The following TTN variants were observed in gnomAD, a reference collection of about 807,000 sequenced individuals.
The protein encoded by TTN is titin.
In TTN, 1,525 loss-of-function variants were observed where a neutral mutation model predicts 3,223.0. That is an observed-to-expected ratio of 0.47 (90% CI 0.45 to 0.49). TTN has a LOEUF of 0.49. Among genes scored for constraint, TTN ranks in the 20% least tolerant of loss-of-function variants. The probability of loss-of-function intolerance (pLI) is 0.00; values close to 1 mark genes in which losing one functional copy is unlikely to be tolerated. For synonymous variants in TTN, 14,094 were observed against 15,161.0 expected, an observed-to-expected ratio of 0.93 and a Z score of 5.17; for missense variants, 40,786 against 43,424.0, an observed-to-expected ratio of 0.94 and a Z score of 5.40.
At chr2:178,754,214 A>G (rs1034573460) in intron 46 of TTN, among the ~76,000 whole-genome samples, 2 of 152,082 alleles carry the variant, frequency 1.3e-5, no homozygotes, top group Middle Eastern at 3.2e-3. Context: ...TGACATTCCT[A>G]CTTGATCTTG....
At position 178,738,126 on chromosome 2, in the gene TTN, T is replaced by C. The variant is rs369669941; in HGVS notation, c.14327A>G (p.Asn4776Ser). The change falls in exon 49 of 363, where the codon AAT becomes AGT. Residue 4776 changes from asparagine to serine, a missense_variant. Asn to Ser is a conservative substitution (Grantham distance 46, BLOSUM62 1). Coordinates refer to ENST00000589042, the MANE Select transcript of TTN (RefSeq NM_001267550.2). ...DCGEYTCKAS[N>S]EYGSVSCTAT... ...TGTACAGCTGACACTGCCATACTCA[T>C]TGGAAGCTTTGCATGTATACTCGCC... 16 of 1,613,704 alleles carry C rather than the reference T, an allele frequency of 9.9e-6. No homozygotes were observed. The highest frequency in any genetic ancestry group is 2.7e-5 in the African/African-American group (2 of 74,932).
At chr2:178,665,536 T>G (rs2065779862) in intron 164 of TTN, 76 bp from the exon 165 acceptor site, 1 of 1,480,352 alleles carries the variant, frequency 6.8e-7, no homozygotes, top group Admixed American at 1.8e-5. Context: ...TGAACCAAAG[T>G]GATATTTATG....
At chr2:178,689,006 T>TA in intron 125 of TTN, 47 bp downstream of exon 125, 1 of 478,586 alleles carries the variant, frequency 2.1e-6, no homozygotes, top group Non-Finnish European at 2.9e-6. Flanking sequence ...CTCGAAGATT[T>TA]TTTTTTTTTT....
Position 178,728,663 on chromosome 2 carries a change from G to A in TTN, c.19263C>T (p.Asp6421=), listed in dbSNP as rs552531581. 6.5e-5 allele frequency: 105 copies of A among 1,613,294 alleles called. No individual in the cohort carries two copies. Among genetic ancestry groups the A allele is most frequent in the Middle Eastern group, 3.3e-4 (2 of 6,056 alleles). The change falls in exon 66 of 363, where the codon GAC becomes GAT. Residue 6421 remains aspartate, a synonymous_variant. Coordinates refer to ENST00000589042, the MANE Select transcript of TTN (RefSeq NM_001267550.2). The part of the protein sequence containing the change: ...TPELKVKWLK[D]GKQIVPSRYF... ...ATCTACTGGGAACTATTTGTTTCCC[G>A]TCTTTAAGCCATTTCACTTTGAGTT...
chr2:178,730,805 A>G lies in TTN; in HGVS notation c.17741-13T>C. The G allele has an allele frequency of 3.2e-6, 5 of 1,554,070 alleles. No homozygotes were observed. The highest frequency in any genetic ancestry group is 4.3e-6 in the Non-Finnish European group (5 of 1,153,810). ...GGTATGATAAGATCTATTCAATGAAAAAGCAAACAACAACAAAAAAAGGTC... is the reference window on the plus strand; with the variant it reads ...GGTATGATAAGATCTATTCAATGAAGAAGCAAACAACAACAAAAAAAGGTC... On this transcript the variant is annotated splice_polypyrimidine_tract_variant and intron_variant, in intron 60 of 362. Coordinates refer to ENST00000589042, the MANE Select transcript of TTN (RefSeq NM_001267550.2).
chr2:178,713,154 CACT>C lies in TTN; in HGVS notation c.26977_26979del (p.Ser8993del). On this transcript the variant is annotated inframe_deletion, in exon 93 of 363. Transcript: ENST00000589042. Reference sequence around the variant, plus strand: ...TTAGTAGCTATACATGTGTAGTCACCACTGTCTGATTCTTCCAGCATGTTCACA... The same window carrying C: ...TTAGTAGCTATACATGTGTAGTCACCGTCTGATTCTTCCAGCATGTTCACA... The C allele has an allele frequency of 6.2e-7, 1 of 1,613,706 alleles. No homozygotes were observed. The highest frequency in any genetic ancestry group is 1.1e-5 in the South Asian group (1 of 91,060).
rs199583938 is a variant in TTN at position 178,579,222 on chromosome 2, G to A, written c.67808C>T (p.Ala22603Val). 4.0e-5 allele frequency: 64 copies of A among 1,613,328 alleles called. No individual in the cohort carries two copies. The highest frequency in any genetic ancestry group is 1.9e-4 in the African/African-American group (14 of 74,866). ...GTACACTATAAGAGTTGTGTTAACCGCAGATGACTCAACACTGACTCTAGT... is the reference window on the plus strand; with the variant it reads ...GTACACTATAAGAGTTGTGTTAACCACAGATGACTCAACACTGACTCTAGT... The part of the protein sequence containing the change: ...TDTRVSVESS[A>V]VNTTLIVYDC... Residue 22603 changes from alanine to valine, a missense_variant, in exon 320 of 363, where the codon GCG becomes GTG. Physicochemically the swap from Ala to Val is moderately conservative, Grantham distance 64 (BLOSUM62 0). Transcript: ENST00000589042.
At position 178,718,710 on chromosome 2, in the gene TTN, G is replaced by C. The variant is rs367916657; in HGVS notation, c.24490C>G (p.His8164Asp). 2.5e-6 allele frequency: 4 copies of C among 1,613,506 alleles called. No individual in the cohort carries two copies. The highest frequency in any genetic ancestry group is 3.4e-6 in the Non-Finnish European group (4 of 1,179,596). The change falls in exon 84 of 363, where the codon CAT becomes GAT. Residue 8164 changes from histidine to aspartate, a missense_variant. Physicochemically the swap from His to Asp is moderately conservative, Grantham distance 81. Transcript: ENST00000589042. ...AAGAGCAAACCTTTCACAAAAAGAT[G>C]TGTGGTACAGGAAGCACTGCCAGCA... ...NDAGSASCTT[H>D]LFVKEPATFV... is the part of the protein sequence containing the mutation.
rs756415356 is a variant in TTN, at chr2:178,768,814, T to C, written c.9022A>G (p.Ile3008Val). ...ATCTGGCACTTGTCAGTTGATTTGA[T>C]TTCCACACCATTCTTTAACCATTTG... ...SYKWLKNGVE[I>V]KSTDKCQMRT... is the part of the protein sequence containing the mutation. The change falls in exon 38 of 363, where the codon ATC (isoleucine) becomes GTC (valine). Residue 3008 changes from isoleucine to valine, a missense_variant. By Grantham distance (29) the Ile-to-Val change is conservative. Coordinates refer to ENST00000589042, the MANE Select transcript of TTN (RefSeq NM_001267550.2). 6.2e-7 allele frequency: 1 copy of C among 1,614,122 alleles called. No individual in the cohort carries two copies. Among genetic ancestry groups the C allele is most frequent in the Non-Finnish European group, 8.5e-7 (1 of 1,180,008 alleles).
At position 178,730,337 on chromosome 2, in the gene TTN, T is replaced by A. The variant is rs752853744; in HGVS notation, c.18063A>T (p.Gln6021His). The part of the protein sequence containing the change: ...PPYFVEKPQS[Q>H]DVNPNTRVQL... ...GTACCCTTGTGTTGGGATTGACATCTTGTGACTGTGGCTTTTCCACAAAGT... is the reference window on the plus strand; with the variant it reads ...GTACCCTTGTGTTGGGATTGACATCATGTGACTGTGGCTTTTCCACAAAGT... Residue 6021 changes from glutamine (Q) to histidine (H), a missense_variant, in exon 62 of 363, where the codon CAA becomes CAT. Transcript: ENST00000589042. 1.9e-6 allele frequency: 3 copies of A among 1,608,528 alleles called. No individual in the cohort carries two copies. The highest frequency in any genetic ancestry group is 2.5e-6 in the Non-Finnish European group (3 of 1,176,850).
chr2:178,799,144 G>A lies in TTN; in HGVS notation c.914+343C>T, dbSNP rs551859940. 9.8e-6 allele frequency: 3 copies of A among 305,234 alleles called. No homozygotes were observed. In the East Asian group the frequency reaches 2.2e-4, roughly 22 times the overall value. 18.9% of individuals were successfully genotyped at this position (305,234 alleles called of 1,614,324 possible). On this transcript the variant is annotated intron_variant, in intron 6 of 362. Coordinates refer to ENST00000589042, the MANE Select transcript of TTN (RefSeq NM_001267550.2). ...GGAAGAGAAGTGCGTGGTCCCTAGC[G>A]AGGCCTGTGCCCATGGACCTAGGTG...
At position 178,573,810 on chromosome 2, in the gene TTN, C is replaced by G. The variant is rs1709100410; in HGVS notation, c.72322G>C (p.Gly24108Arg). The G allele has an allele frequency of 6.2e-7, 1 of 1,611,314 alleles. No homozygotes were observed. The highest frequency in any genetic ancestry group is 2.2e-5 in the East Asian group (1 of 44,714). Reference sequence around the variant, plus strand: ...TTGAAAATGTGTTTAGCAAAGCCACCAGGATTAGTCGCTGTAAGGGTATAG... The same window carrying G: ...TTGAAAATGTGTTTAGCAAAGCCACGAGGATTAGTCGCTGTAAGGGTATAG... ...GAYTLTATNP[G>R]GFAKHIFNVK... Residue 24108 changes from glycine (G) to arginine (R), a missense_variant, in exon 326 of 363, where the codon GGT becomes CGT. By Grantham distance (125) the Gly-to-Arg change is moderately radical (BLOSUM62 -2). Transcript: ENST00000589042.
rs1283827826 is a variant in TTN at position 178,599,238 on chromosome 2, C to A, written c.56555G>T (p.Gly18852Val). Residue 18852 changes from glycine to valine, a missense_variant, in exon 290 of 363, where the codon GGC (glycine) becomes GTC (valine). By Grantham distance (109) the Gly-to-Val change is moderately radical. Transcript: ENST00000589042. ...CATGATTCGGAATACATATTCATGGCCTTCTAGCAATTTGGGAATCGTGTA... is the reference window on the plus strand; with the variant it reads ...CATGATTCGGAATACATATTCATGGACTTCTAGCAATTTGGGAATCGTGTA... ...CTYTIPKLLE[G>V]HEYVFRIMAQ... 3 of 1,551,414 alleles carry A rather than the reference C, an allele frequency of 1.9e-6. No homozygotes were observed. In the South Asian group the frequency reaches 3.9e-5, roughly 20 times the overall value.
chr2:178,687,860 A>G (rs2071313666), intron 127 of TTN, among the ~76,000 whole-genome samples: 1 of 152,194 alleles, frequency 6.6e-6, no homozygotes, highest in Admixed American at 6.5e-5. Context: ...TTATATATAA[A>G]TATGAAGCCT....
At chr2:178,616,161 G>A (rs2057297101) in intron 257 of TTN, among the ~76,000 whole-genome samples, 1 of 151,830 alleles carries the variant, frequency 6.6e-6, no homozygotes, top group South Asian at 2.1e-4. Context: ...GACCACCAGG[G>A]AAATAAATAT....
chr2:178,649,806 AACATG>A lies in TTN; in HGVS notation c.39895+6_39895+10del. 6.2e-7 allele frequency: 1 copy of A among 1,609,298 alleles called. No homozygotes were observed. The highest frequency in any genetic ancestry group is 8.5e-7 in the Non-Finnish European group (1 of 1,178,378). The stretch of plus-strand genomic sequence containing the variant: ...ACCACAAAAATGAAGTATTCATTTT[AACATG>A]AGTACCTTTAGGAGGCGGTGCTTCT... On this transcript the variant is annotated splice_donor_region_variant and intron_variant, in intron 211 of 362. Coordinates refer to ENST00000589042, the MANE Select transcript of TTN (RefSeq NM_001267550.2).
chr2:178,562,370 G>A lies in TTN; in HGVS notation c.83762C>T (p.Ala27921Val). The A allele has an allele frequency of 6.2e-7, 1 of 1,610,250 alleles. No individual in the cohort carries two copies. Among genetic ancestry groups the A allele is most frequent in the Non-Finnish European group, 8.5e-7 (1 of 1,178,514 alleles). ...STCTQVKTLE[A>V]TISGLTAGEE... Reference sequence around the variant, plus strand: ...TCCTGCAGTTAAGCCAGATATAGTTGCTTCTAGAGTCTTAACTTGTGTGCA... The same window carrying A: ...TCCTGCAGTTAAGCCAGATATAGTTACTTCTAGAGTCTTAACTTGTGTGCA... The change falls in exon 326 of 363, where the codon GCA becomes GTA. Residue 27921 changes from alanine (A) to valine (V), a missense_variant. By Grantham distance (64) the Ala-to-Val change is moderately conservative. Transcript: ENST00000589042.
At chr2:178,641,191 T>A (rs1421514052) in intron 220 of TTN, 50 bp downstream of exon 220, 3 of 1,225,566 alleles carry the variant, frequency 2.4e-6, no homozygotes, top group Middle Eastern at 4.9e-4. Context: ...TTTTGTTAAA[T>A]GTCCATTTTG....
intron 43 of TTN, among the ~76,000 whole-genome samples, chr2:178,760,241 T>G (rs749191827): frequency 6.6e-6 from 1 of 152,150 alleles, no homozygotes; most frequent in Non-Finnish European, 1.5e-5. Flanking sequence ...AAGTAGAAGA[T>G]GAAATCCTGG....
Sources: allele counts gnomAD v4.1 joint callset (sites outside exome capture counted in the v4.1 genomes callset), GRCh38; gene constraint gnomAD v4.1.1; transcripts MANE v1.5; gene names NCBI Gene and HGNC (gene_info 2026-07-23, HGNC 2026-07-21).